SGCD: variants seen among roughly 807,000 people sequenced by gnomAD.
SGCD encodes delta-sarcoglycan.
In SGCD, 18 loss-of-function variants were observed where a neutral mutation model predicts 36.6. The ratio of observed to expected loss-of-function variants is 0.49; its 90% CI spans 0.34 to 0.73. The LOEUF (loss-of-function observed/expected upper bound fraction) is 0.73. SGCD is among the 30% of genes least tolerant of loss of function. SGCD has a pLI of 0.01. For synonymous variants in SGCD, 133 were observed against 130.6 expected (o/e 1.02, Z -0.12); for missense variants, 387 against 346.7 (o/e 1.12, Z -0.92).
intron 7 of SGCD, among the ~76,000 whole-genome samples, chr5:156,681,043 C>T (rs1227344126): frequency 1.3e-5 from 2 of 152,174 alleles, no homozygotes; most frequent in Admixed American, 1.3e-4. Context: ...GCAGCAGTGT[C>T]CAAGCATGGT....
intron 7 of SGCD, among the ~76,000 whole-genome samples, chr5:156,710,463 G>A (rs988939184): frequency 1.3e-5 from 2 of 152,258 alleles, no homozygotes; most frequent in African/African-American, 2.4e-5. Flanking sequence ...CCAAATGTGA[G>A]GACTATGACC....
intron 3 of SGCD, among the ~76,000 whole-genome samples, chr5:156,258,806 A>G (rs1121854): frequency 0.21 from 32,563 of 152,058 alleles, 3,907 homozygotes; most frequent in Admixed American, 0.27. Flanking sequence ...CTCATAAGGG[A>G]ATATTTAAAA....
chr5:156,328,746 C>T (rs1376709116), intron 1 of SGCD, among the ~76,000 whole-genome samples: 1 of 150,018 alleles, frequency 6.7e-6, no homozygotes, highest in African/African-American at 2.5e-5. Context: ...TTATTAGTTT[C>T]ATCTTCGTGT....
chr5:155,802,860 A>G, the SGCD span, among the ~76,000 whole-genome samples: 1 of 152,280 alleles, frequency 6.6e-6, no homozygotes, highest in Non-Finnish European at 1.5e-5. Flanking sequence ...TCCATTTTCT[A>G]CTTTGCATAG....
chr5:156,655,230 A>G (rs188789898), intron 7 of SGCD, among the ~76,000 whole-genome samples: 1 of 152,310 alleles, frequency 6.6e-6, no homozygotes, highest in East Asian at 1.9e-4. Flanking sequence ...CAAACATGAG[A>G]AAATTACATC....
chr5:156,144,347 C>T (rs908510085), intron 3 of SGCD, among the ~76,000 whole-genome samples: 2 of 152,048 alleles, frequency 1.3e-5, no homozygotes, highest in African/African-American at 4.8e-5. Context: ...AGTTTACAGT[C>T]CCACCAACAG....
chr5:155,811,639 G>A, the SGCD span, among the ~76,000 whole-genome samples: 3 of 152,136 alleles, frequency 2.0e-5, no homozygotes, highest in African/African-American at 7.2e-5. Flanking sequence ...CCAGCAGCCC[G>A]CAATGCAACG....
chr5:155,791,664 A>G, the SGCD span, among the ~76,000 whole-genome samples: 2 of 152,214 alleles, frequency 1.3e-5, no homozygotes, highest in Admixed American at 1.3e-4. Context: ...TTACAATAGC[A>G]ACAAAAAAAT....
chr5:156,303,028 C>T (rs1006257738), intron 3 of SGCD, among the ~76,000 whole-genome samples: 8 of 152,234 alleles, frequency 5.3e-5, no homozygotes, highest in Non-Finnish European at 1.2e-4. Context: ...GTGGAAAATT[C>T]AGCCAGACTT....
At chr5:156,614,192 G>A (rs910899454) in intron 6 of SGCD, among the ~76,000 whole-genome samples, 1 of 152,124 alleles carries the variant, frequency 6.6e-6, no homozygotes, top group Non-Finnish European at 1.5e-5. Flanking sequence ...TGATCTACCT[G>A]CCTCGGCCTC....
chr5:156,374,331 C>T (rs1012089597), intron 3 of SGCD, among the ~76,000 whole-genome samples: 1 of 152,116 alleles, frequency 6.6e-6, no homozygotes, highest in African/African-American at 2.4e-5. Context: ...TTTAGATCTT[C>T]CAAGCTGTGG....
At chr5:156,206,237 G>A (rs923609912) in intron 3 of SGCD, among the ~76,000 whole-genome samples, 9 of 151,818 alleles carry the variant, frequency 5.9e-5, no homozygotes, top group East Asian at 1.9e-4. Context: ...TTGTGTGTAC[G>A]TACAGTGGTG....
chr5:155,886,485 TGTGTGTGTGCGCGCACGCGCGCGTGC>T (rs1467265878), intron 1 of SGCD, among the ~76,000 whole-genome samples: 2 of 151,256 alleles, frequency 1.3e-5, no homozygotes, highest in African/African-American at 2.4e-5. Context: ...GAGGAATGTG[TGTGTGTGTGCGCGCACGCGCGCGTGC>T]GTGTGTGTGT....
At chr5:156,317,289 C>G (rs181175592) in intron 3 of SGCD, among the ~76,000 whole-genome samples, 88 of 152,226 alleles carry the variant, frequency 5.8e-4, no homozygotes, top group African/African-American at 1.9e-3. Flanking sequence ...GCCACTTTTA[C>G]TGAGATTATT....
At chr5:156,091,485 T>C (rs189334157) in intron 1 of SGCD, among the ~76,000 whole-genome samples, 15 of 152,306 alleles carry the variant, frequency 9.8e-5, no homozygotes, top group Non-Finnish European at 1.3e-4. Context: ...AACCTGTCAG[T>C]AGTCACCGCA....
chr5:156,559,865 C>G (rs1759198140), intron 4 of SGCD, among the ~76,000 whole-genome samples: 1 of 152,156 alleles, frequency 6.6e-6, no homozygotes, highest in Admixed American at 6.5e-5. Flanking sequence ...TCTGAGGGTA[C>G]TGAGAACACT....
At chr5:156,608,651 G>A (rs1268458011) in intron 6 of SGCD, among the ~76,000 whole-genome samples, 4 of 152,156 alleles carry the variant, frequency 2.6e-5, no homozygotes, top group Non-Finnish European at 4.4e-5. Context: ...GGGTGTTAAA[G>A]TCTCCCCTTA....
chr5:156,163,804 A>G, intron 3 of SGCD, among the ~76,000 whole-genome samples: 1 of 151,336 alleles, frequency 6.6e-6, no homozygotes, highest in East Asian at 1.9e-4. Flanking sequence ...GTGGATCACA[A>G]GGTCAGGAGA....
intron 6 of SGCD, among the ~76,000 whole-genome samples, chr5:156,598,739 C>T (rs1044151054): frequency 3.9e-5 from 6 of 152,172 alleles, no homozygotes; most frequent in South Asian, 2.1e-4. Context: ...TAATTTTAAA[C>T]GTCCAGACAC....
Sources: gnomAD v4.1 joint callset for allele counts (sites outside exome capture counted in the v4.1 genomes callset) on GRCh38, gnomAD v4.1.1 for gene constraint, MANE v1.5 for transcripts, NCBI Gene and HGNC (gene_info 2026-07-23, HGNC 2026-07-21) for gene names.